The following RELN variants were observed in gnomAD, a reference collection of about 807,000 sequenced individuals.
RELN encodes reelin.
Under a neutral mutation model 427.6 loss-of-function variants are expected in RELN, and 108 were observed. That is an observed-to-expected ratio of 0.25 (90% CI 0.22 to 0.30). RELN has a LOEUF of 0.30. Ranked by LOEUF, RELN falls within the 10% of genes least tolerant of loss-of-function variation. RELN has a pLI of 1.00. For missense variants in RELN, 3,715 were observed against 4,302.8 expected, an observed-to-expected ratio of 0.86 and a Z score of 3.82; for synonymous variants, 1,524 against 1,513.4, an observed-to-expected ratio of 1.01 and a Z score of -0.16.
At chr7:103,842,012 T>A (rs1215129792) in intron 2 of RELN, among the ~76,000 whole-genome samples, 1 of 152,170 alleles carries the variant, frequency 6.6e-6, no homozygotes, top group Non-Finnish European at 1.5e-5. Context: ...ATGATTTTTT[T>A]ATGTGAAAAA....
chr7:103,709,606 G>A (rs1789740159), intron 8 of RELN, among the ~76,000 whole-genome samples: 1 of 152,140 alleles, frequency 6.6e-6, no homozygotes, highest in Non-Finnish European at 1.5e-5. Flanking sequence ...TACTACCCAT[G>A]GTTATGTGGG....
At position 103,918,483 on chromosome 7, in the gene RELN, A is replaced by G. The variant is rs74918391; in HGVS notation, c.227-1298T>C. 3.2e-3 allele frequency among the ~76,000 whole-genome samples: 491 copies of G among 152,284 alleles called. 2 individuals carry two copies. The highest frequency in any genetic ancestry group is 0.011 in the African/African-American group (472 of 41,568). Reference sequence around the variant, plus strand: ...TCTAAAATGTTTTGATGCTGTCTACATGGGTTATTTCCTGTTTCTTCTTTG... The same window carrying G: ...TCTAAAATGTTTTGATGCTGTCTACGTGGGTTATTTCCTGTTTCTTCTTTG... On this transcript the variant is annotated intron_variant, in intron 1 of 64. Coordinates refer to ENST00000428762, the MANE Select transcript of RELN (RefSeq NM_005045.4).
chr7:103,780,022 G>A (rs750207091), intron 3 of RELN, among the ~76,000 whole-genome samples: 15 of 152,146 alleles, frequency 9.9e-5, no homozygotes, highest in African/African-American at 1.9e-4. Flanking sequence ...GACCACACCC[G>A]GCCCAGGGCC....
intron 3 of RELN, among the ~76,000 whole-genome samples, chr7:103,778,410 G>T (rs1001947601): frequency 3.3e-5 from 5 of 152,116 alleles, no homozygotes; most frequent in Non-Finnish European, 7.4e-5. Context: ...GACAGGCAAT[G>T]TTTAAATAAC....
At chr7:103,800,161 A>G (rs1290441522) in intron 3 of RELN, among the ~76,000 whole-genome samples, 1 of 152,214 alleles carries the variant, frequency 6.6e-6, no homozygotes, top group East Asian at 1.9e-4. Context: ...AGAAATAAAT[A>G]AAGCGTATTC....
chr7:103,577,912 G>C (rs749234611), intron 28 of RELN, among the ~76,000 whole-genome samples: 2 of 152,182 alleles, frequency 1.3e-5, no homozygotes, highest in Non-Finnish European at 2.9e-5. Flanking sequence ...TGATGAAAGA[G>C]AAAGGAAAAC....
chr7:103,623,675 C>T (rs1417585912), intron 20 of RELN, among the ~76,000 whole-genome samples: 2 of 152,188 alleles, frequency 1.3e-5, no homozygotes, highest in Non-Finnish European at 2.9e-5. Flanking sequence ...CAAACCTCTG[C>T]AAACACATAT....
At chr7:103,868,388 A>G (rs1324662738) in intron 2 of RELN, among the ~76,000 whole-genome samples, 1 of 152,138 alleles carries the variant, frequency 6.6e-6, no homozygotes, top group Non-Finnish European at 1.5e-5. Flanking sequence ...ACCTACCTCC[A>G]TATAGAAATG....
Position 103,506,627 on chromosome 7 carries a change from T to C in RELN, c.8275-3397A>G, listed in dbSNP as rs148886488. ...AAAACATACCAAATTGTAAAGACCA[T>C]TGATGCTTTGGATAAACTGCATAAC... is the stretch of plus-strand genomic sequence containing the variant. On this transcript the variant is annotated intron_variant, in intron 51 of 64. Transcript: ENST00000428762. 1.7e-3 allele frequency among the ~76,000 whole-genome samples: 243 copies of C among 139,704 alleles called. 5 individuals are homozygous for C. The highest frequency in any genetic ancestry group is 6.9e-3 in the Middle Eastern group (2 of 290). 91.7% of individuals were successfully genotyped at this position (139,704 alleles called of 152,430 possible). A position where few individuals can be genotyped will look rare whatever the true frequency, so the allele number is the denominator to read the frequency against.
chr7:103,942,552 G>C (rs1362667032), intron 1 of RELN, among the ~76,000 whole-genome samples: 1 of 152,184 alleles, frequency 6.6e-6, no homozygotes, highest in African/African-American at 2.4e-5. Context: ...CTAAGAAGCA[G>C]AATTCCCGGC....
At chr7:103,556,429 G>A (rs1830521986) in intron 38 of RELN, among the ~76,000 whole-genome samples, 1 of 149,112 alleles carries the variant, frequency 6.7e-6, no homozygotes, top group African/African-American at 2.5e-5. Context: ...ATATATACGT[G>A]TATATATATA....
At chr7:103,667,762 A>G (rs1022082429) in intron 11 of RELN, among the ~76,000 whole-genome samples, 35 of 152,276 alleles carry the variant, frequency 2.3e-4, no homozygotes, top group African/African-American at 8.2e-4. Context: ...AAACATGTAT[A>G]TTTATTCCTT....
At chr7:103,723,840 A>G (rs913258815) in intron 7 of RELN, among the ~76,000 whole-genome samples, 5 of 152,176 alleles carry the variant, frequency 3.3e-5, no homozygotes, top group African/African-American at 1.2e-4. Context: ...AATGAAGAAA[A>G]GAAATAGAAT....
chr7:103,845,401 G>A (rs1222313568), intron 2 of RELN, among the ~76,000 whole-genome samples: 2 of 152,050 alleles, frequency 1.3e-5, no homozygotes, highest in African/African-American at 2.4e-5. Context: ...GGTGGGTCTC[G>A]AACTCCTAAC....
intron 6 of RELN, among the ~76,000 whole-genome samples, chr7:103,739,882 T>C (rs755425229): frequency 6.6e-5 from 10 of 152,128 alleles, no homozygotes; most frequent in Non-Finnish European, 1.5e-4. Context: ...AAGATGCCCA[T>C]GGCCCAGGAC....
chr7:103,652,292 T>C (rs540540778), intron 14 of RELN, among the ~76,000 whole-genome samples: 1 of 151,550 alleles, frequency 6.6e-6, no homozygotes, highest in East Asian at 2.0e-4. Context: ...TTGTAATGGA[T>C]GGTTGCCACA....
At chr7:103,478,720 T>A (rs944127264) in intron 63 of RELN, among the ~76,000 whole-genome samples, 2 of 152,190 alleles carry the variant, frequency 1.3e-5, no homozygotes, top group African/African-American at 4.8e-5. Context: ...ACTAATTTTA[T>A]TATCTGATTT....
chr7:103,784,841 C>T (rs1378041749), intron 3 of RELN, among the ~76,000 whole-genome samples: 2 of 152,032 alleles, frequency 1.3e-5, no homozygotes, highest in Non-Finnish European at 2.9e-5. Flanking sequence ...AGTCTGTTTC[C>T]TTTTTAATAT....
At position 103,824,719 on chromosome 7, in the gene RELN, G is replaced by T. The variant is rs1195840934; in HGVS notation, c.473+8818C>A. ...AGTTGCTATTTTATTTCAGTGGGAA[G>T]AATTTCTGCTATGCCAGTTCAGTCT... On this transcript the variant is annotated intron_variant, in intron 3 of 64. Coordinates refer to ENST00000428762, the MANE Select transcript of RELN (RefSeq NM_005045.4). This position sits in a 1 kb window ranked among gnomAD's most constrained non-coding sequence, Gnocchi z 4.4. Among the ~76,000 whole-genome samples, 1 of 146,528 alleles carries T rather than the reference G, an allele frequency of 6.8e-6. No individual in the cohort carries two copies. The highest frequency in any genetic ancestry group is 7.0e-5 in the Admixed American group (1 of 14,214).
Sources: gnomAD v4.1 joint callset for allele counts (sites outside exome capture counted in the v4.1 genomes callset) on GRCh38, gnomAD v4.1.1 for gene constraint, Gnocchi (gnomAD v3.1) non-coding constraint, MANE v1.5 for transcripts, NCBI Gene and HGNC (gene_info 2026-07-23, HGNC 2026-07-21) for gene names.